ANKRD36: variants seen among roughly 807,000 people sequenced by gnomAD.
The protein encoded by ANKRD36 is ankyrin repeat domain 36, also known as ankyrin repeat domain-containing protein 36A.
A neutral mutation model predicts 278.1 loss-of-function variants in ANKRD36; 179 were observed. That is an observed-to-expected ratio of 0.64 (90% confidence interval 0.57 to 0.73). ANKRD36 has a LOEUF of 0.73. Ranked by LOEUF, ANKRD36 falls within the 30% of genes least tolerant of loss-of-function variation. The probability of loss-of-function intolerance (pLI) is 0.00; values close to 1 mark genes in which losing one functional copy is unlikely to be tolerated. For synonymous variants in ANKRD36, 320 were observed against 641.1 expected, an observed-to-expected ratio of 0.50 and a Z score of 7.57; for missense variants, 1,159 against 1,956.7, an observed-to-expected ratio of 0.59 and a Z score of 7.69.
At position 97,129,649 on chromosome 2, in the gene ANKRD36, T is replaced by C. The variant is rs966391043; in HGVS notation, c.799+2515T>C. Among the ~76,000 whole-genome samples, 78 of 152,222 alleles carry C rather than the reference T, an allele frequency of 5.1e-4. 1 individual carries two copies. The highest frequency in any genetic ancestry group is 8.5e-4 in the Admixed American group (13 of 15,260). ...AATCCATCTTGAATTAATTTTTGTA[T>C]AAGGTGTAAGGAAGGGATCCAGTTT... On this transcript the variant is annotated intron_variant, in intron 6 of 75. Transcript: ENST00000420699.
At chr2:97,124,195 AG>A (rs1033217360) in intron 4 of ANKRD36, among the ~76,000 whole-genome samples, 16 of 151,978 alleles carry the variant, frequency 1.1e-4, no homozygotes, top group African/African-American at 3.6e-4. Context: ...GCCTGAGCAT[AG>A]TTTCTTGCCC....
At chr2:97,227,870 C>T (rs1347206815) in intron 67 of ANKRD36, among the ~76,000 whole-genome samples, 1 of 152,100 alleles carries the variant, frequency 6.6e-6, no homozygotes, top group Non-Finnish European at 1.5e-5. Context: ...TGTCAAAGGC[C>T]TTTTCTGCAT....
At chr2:97,174,074 G>A (rs1343581195) in intron 22 of ANKRD36, among the ~76,000 whole-genome samples, 1 of 150,984 alleles carries the variant, frequency 6.6e-6, no homozygotes, top group African/African-American at 2.4e-5. Flanking sequence ...ATATTGGTTG[G>A]TTATTTATAA....
Position 97,233,616 on chromosome 2 carries a change from C to T in ANKRD36, c.3952-114C>T, listed in dbSNP as rs1359821137. The T allele has an allele frequency of 4.6e-6, 7 of 1,537,052 alleles. No individual in the cohort carries two copies. In the African/African-American group the frequency reaches 6.9e-5, roughly 15 times the overall value. On this transcript the variant is annotated intron_variant, in intron 67 of 75. Transcript: ENST00000420699. ...AATTGCTTAAAAAAAAAGTACGGAACAGGTACCTGTGTTTGTGCTCATAGA... is the reference window on the plus strand; with the variant it reads ...AATTGCTTAAAAAAAAAGTACGGAATAGGTACCTGTGTTTGTGCTCATAGA...
chr2:97,163,370 A>G (rs774187006), intron 18 of ANKRD36: 43 of 419,562 alleles, frequency 1.0e-4, no homozygotes, highest in South Asian at 6.5e-4. Flanking sequence ...CTCATTAGTT[A>G]TTTGATGTGT....
At chr2:97,116,507 C>T (rs1361598229) in intron 1 of ANKRD36, among the ~76,000 whole-genome samples, 4 of 152,044 alleles carry the variant, frequency 2.6e-5, no homozygotes, top group Non-Finnish European at 1.5e-5. Flanking sequence ...CTCCTGACCT[C>T]AGGTGATCCC....
chr2:97,157,481 G>T, intron 15 of ANKRD36, among the ~76,000 whole-genome samples: 1 of 105,230 alleles, frequency 9.5e-6, no homozygotes. Context: ...TGTTTCTGTT[G>T]TCAGGATACT....
chr2:97,226,310 T>C (rs1379030618), intron 67 of ANKRD36, among the ~76,000 whole-genome samples: 1 of 152,076 alleles, frequency 6.6e-6, no homozygotes, highest in African/African-American at 2.4e-5. Context: ...TTTTAATGAT[T>C]GCCATCCTAA....
chr2:97,209,161 T>C (rs575212644), intron 54 of ANKRD36, among the ~76,000 whole-genome samples: 1 of 146,730 alleles, frequency 6.8e-6, no homozygotes, highest in Admixed American at 6.7e-5. Context: ...AGGTGATCAA[T>C]TCAGGACACT....
At position 97,207,941 on chromosome 2, in the gene ANKRD36, G is replaced by A. The variant is rs1368515962; in HGVS notation, c.3200G>A (p.Ser1067Asn). ...SEKPSGLKAT[S>N]AEKDSVLNIA... is the part of the protein sequence containing the mutation. ...ATTTGAAATTCCATTCAGGCTACAA[G>A]TGCCGAGAAAGATTCTGTTTTGAAT... Residue 1067 changes from serine to asparagine, a missense_variant, in exon 54 of 76, where the codon AGT (serine) becomes AAT (asparagine). Transcript: ENST00000420699. 1.3e-6 allele frequency: 2 copies of A among 1,529,856 alleles called. No individual in the cohort carries two copies. The highest frequency in any genetic ancestry group is 2.0e-5 in the Admixed American group (1 of 50,046). The allele number at this position is 1,529,856 out of a possible 1,614,324, so 94.8% of individuals were successfully genotyped here.
At chr2:97,176,780 T>A (rs1239651806) in intron 22 of ANKRD36, among the ~76,000 whole-genome samples, 1 of 151,730 alleles carries the variant, frequency 6.6e-6, no homozygotes, top group Non-Finnish European at 1.5e-5. Flanking sequence ...TTCCTTTCGA[T>A]TTTTAGCGCT....
chr2:97,150,139 A>G (rs539729525), intron 12 of ANKRD36, among the ~76,000 whole-genome samples: 2 of 151,990 alleles, frequency 1.3e-5, no homozygotes, highest in South Asian at 4.2e-4. Flanking sequence ...AGCCTTTTTT[A>G]TTTAGAGTAT....
At chr2:97,206,733 G>A (rs935039802) in intron 52 of ANKRD36, among the ~76,000 whole-genome samples, 3 of 151,468 alleles carry the variant, frequency 2.0e-5, no homozygotes, top group Non-Finnish European at 4.4e-5. Flanking sequence ...TTCAGGAACT[G>A]CTGGAAGAAG....
intron 18 of ANKRD36, among the ~76,000 whole-genome samples, chr2:97,162,690 G>T: frequency 6.9e-6 from 1 of 145,520 alleles, no homozygotes; most frequent in South Asian, 2.2e-4. Context: ...AAAACGACAG[G>T]AAACCACAGG....
intron 42 of ANKRD36, among the ~76,000 whole-genome samples, chr2:97,197,718 T>C (rs2060171712): frequency 6.6e-6 from 1 of 151,958 alleles, no homozygotes; most frequent in African/African-American, 2.4e-5. Flanking sequence ...CAATATCTAA[T>C]GCTTGTAGCT....
At chr2:97,242,403 A>G (rs1210989459) in intron 69 of ANKRD36, among the ~76,000 whole-genome samples, 1 of 151,726 alleles carries the variant, frequency 6.6e-6, no homozygotes, top group Non-Finnish European at 1.5e-5. Flanking sequence ...TGTAGATAAA[A>G]TTAATTCAGT....
At chr2:97,122,000 G>A (rs1233509237) in intron 3 of ANKRD36, among the ~76,000 whole-genome samples, 2 of 142,486 alleles carry the variant, frequency 1.4e-5, no homozygotes, top group Non-Finnish European at 3.1e-5. Flanking sequence ...AAGTTCACTC[G>A]AAGCCTATCT....
chr2:97,190,276 TTGA>T lies in ANKRD36; in HGVS notation c.2246-697_2246-695del, dbSNP rs1382074044. On this transcript the variant is annotated intron_variant, in intron 34 of 75. Coordinates refer to ENST00000420699, the MANE Select transcript of ANKRD36 (RefSeq NM_001354587.1). ...TGTAGAAGTATGTCAAAATTGATAA[TTGA>T]TGATATTTTTATTGAGGCTGATATA... Among the ~76,000 whole-genome samples the T allele has an allele frequency of 7.9e-4, 74 of 93,254 alleles. 12 individuals are homozygous for T. Among genetic ancestry groups the T allele is most frequent in the Non-Finnish European group, 1.7e-3 (48 of 27,658 alleles). The allele number at this position is 93,254 out of a possible 152,430, so 61.2% of individuals were successfully genotyped here. A position where few individuals can be genotyped will look rare whatever the true frequency, so the allele number is the denominator to read the frequency against.
At chr2:97,192,610 G>A (rs771815657) in intron 36 of ANKRD36, among the ~76,000 whole-genome samples, 2 of 151,226 alleles carry the variant, frequency 1.3e-5, no homozygotes, top group Non-Finnish European at 2.9e-5. Context: ...GACACAGTTT[G>A]ATTTTAGTTT....
Sources: allele counts gnomAD v4.1 joint callset (sites outside exome capture counted in the v4.1 genomes callset), GRCh38; gene constraint gnomAD v4.1.1; transcripts MANE v1.5; gene names NCBI Gene and HGNC (gene_info 2026-07-23, HGNC 2026-07-21).